OOSP3: variants seen among roughly 807,000 people sequenced by gnomAD.
OOSP3 encodes the protein oocyte-secreted protein 3.
At chr11:59,881,776 A>G (rs1322418946) in intron 2 of OOSP3, among the ~76,000 whole-genome samples, 1 of 152,110 alleles carries the variant, frequency 6.6e-6, no homozygotes. Context: ...AGGCTGAGAC[A>G]GGGAGAATTG....
intron 2 of OOSP3, among the ~76,000 whole-genome samples, chr11:59,890,897 T>G (rs1853305690): frequency 6.6e-6 from 1 of 152,066 alleles, no homozygotes; most frequent in South Asian, 2.1e-4. Context: ...CCATCTTCCC[T>G]GTCTCAGGTA....
chr11:59,882,561 A>G (rs1439676394), intron 2 of OOSP3, among the ~76,000 whole-genome samples: 1 of 152,168 alleles, frequency 6.6e-6, no homozygotes, highest in Non-Finnish European at 1.5e-5. Context: ...AAGATTTTCC[A>G]TTTAAAGGGC....
intron 2 of OOSP3, among the ~76,000 whole-genome samples, chr11:59,884,957 T>C (rs544494928): frequency 2.6e-5 from 4 of 152,228 alleles, no homozygotes; most frequent in East Asian, 1.9e-4. Context: ...TTTCTGATTA[T>C]AAGGGAAAAG....
exon 2 of OOSP3, chr11:59,880,417 C>A (rs1853188812): frequency 2.5e-6 from 1 of 398,562 alleles, no homozygotes; most frequent in East Asian, 3.6e-5. Flanking sequence ...TACCCTGCCA[C>A]TCAGTGTGGG....
intron 2 of OOSP3, among the ~76,000 whole-genome samples, chr11:59,891,215 G>A (rs1324419801): frequency 6.6e-6 from 1 of 152,152 alleles, no homozygotes; most frequent in Non-Finnish European, 1.5e-5. Context: ...CATTGGGTTA[G>A]AACATAATCT....
At chr11:59,884,122 GC>G (rs1307876049) in intron 2 of OOSP3, among the ~76,000 whole-genome samples, 1 of 152,130 alleles carries the variant, frequency 6.6e-6, no homozygotes, top group Non-Finnish European at 1.5e-5. Context: ...ATAACAGACA[GC>G]AATTTAATTC....
intron 2 of OOSP3, among the ~76,000 whole-genome samples, chr11:59,887,522 C>G (rs112167480): frequency 6.6e-6 from 1 of 152,188 alleles, no homozygotes; most frequent in African/African-American, 2.4e-5. Context: ...TATGACTAGC[C>G]AGTTCTCCCA....
chr11:59,895,775 C>G, intron 4 of OOSP3, 123 bp downstream of exon 4: 3 of 396,756 alleles, frequency 7.6e-6, no homozygotes, highest in Non-Finnish European at 1.3e-5. Context: ...TAGTGTTTAA[C>G]TACATGATGG....
rs115088515 is a variant in OOSP3, at chr11:59,890,468, C to T, written c.253-3611C>T. On this transcript the variant is annotated intron_variant, in intron 2 of 4. Transcript: ENST00000646438. ...CCTTCAGGAACTCTTGCAAGGAAGG[C>T]CTTCTGGTGATGAGATCCTTTAGCA... is the stretch of plus-strand genomic sequence containing the variant. Among the ~76,000 whole-genome samples the T allele has an allele frequency of 3.0e-3, 456 of 152,244 alleles. 4 individuals are homozygous for T. The highest frequency in any genetic ancestry group is 0.01 in the African/African-American group (436 of 41,558).
At chr11:59,890,874 T>G (rs1853305450) in intron 2 of OOSP3, among the ~76,000 whole-genome samples, 1 of 152,202 alleles carries the variant, frequency 6.6e-6, no homozygotes, top group African/African-American at 2.4e-5. Context: ...AAGTGTGTTT[T>G]CCAAACTTGG....
intron 2 of OOSP3, among the ~76,000 whole-genome samples, chr11:59,887,043 C>T (rs1212049538): frequency 3.3e-5 from 5 of 152,004 alleles, no homozygotes; most frequent in African/African-American, 1.2e-4. Context: ...GATTCGTGTG[C>T]CTTGGCCTCC....
chr11:59,885,323 CTT>C (rs757785892), intron 2 of OOSP3, among the ~76,000 whole-genome samples: 1 of 152,048 alleles, frequency 6.6e-6, no homozygotes. Flanking sequence ...GATTTCTTCT[CTT>C]TTTTCTTCAA....
intron 2 of OOSP3, among the ~76,000 whole-genome samples, chr11:59,885,532 C>G (rs1056102831): frequency 6.6e-6 from 1 of 152,164 alleles, no homozygotes; most frequent in Non-Finnish European, 1.5e-5. Flanking sequence ...CATGTGTTCT[C>G]ATCATTCAGC....
chr11:59,894,189 A>T lies in OOSP3; in HGVS notation c.350+13A>T. 5.0e-6 allele frequency: 2 copies of T among 398,542 alleles called. No individual in the cohort carries two copies. Among genetic ancestry groups the T allele is most frequent in the Non-Finnish European group, 8.8e-6 (2 of 226,034 alleles). 24.7% of individuals were successfully genotyped at this position (398,542 alleles called of 1,614,324 possible). ...GTATTGTATATGGGTGAGTATAATG[A>T]ACCAGATGGTTCACAGTTTACCCTC... On this transcript the variant is annotated intron_variant, in intron 3 of 4. Coordinates refer to ENST00000646438, the Ensembl canonical transcript of OOSP3.
At chr11:59,893,244 T>C (rs1853327941) in intron 2 of OOSP3, among the ~76,000 whole-genome samples, 2 of 152,210 alleles carry the variant, frequency 1.3e-5, no homozygotes, top group Admixed American at 1.3e-4. Context: ...GGTTGAAAAA[T>C]AGTAATTCAA....
intron 2 of OOSP3, among the ~76,000 whole-genome samples, chr11:59,888,555 C>A (rs779106759): frequency 3.3e-5 from 5 of 152,012 alleles, no homozygotes. Flanking sequence ...TTGAGATTAT[C>A]CTGTGGTTTT....
intron 2 of OOSP3, among the ~76,000 whole-genome samples, chr11:59,892,444 G>T (rs1234463034): frequency 1.3e-5 from 2 of 151,806 alleles, no homozygotes; most frequent in African/African-American, 4.8e-5. Context: ...GGGAGCTGCA[G>T]ACTGGAGCTG....
At chr11:59,895,842 T>C (rs753924285) in intron 4 of OOSP3, among the ~76,000 whole-genome samples, 190 bp downstream of exon 4, 6 of 152,360 alleles carry the variant, frequency 3.9e-5, no homozygotes, top group Admixed American at 2.6e-4. Flanking sequence ...TGTGTCTACA[T>C]ATATCCTGGT....
At chr11:59,888,978 C>T (rs1377900561) in intron 2 of OOSP3, among the ~76,000 whole-genome samples, 1 of 152,142 alleles carries the variant, frequency 6.6e-6, no homozygotes, top group African/African-American at 2.4e-5. Context: ...GCCTCAATTT[C>T]AGAACTTGTT....
Sources: gnomAD v4.1 joint callset for allele counts (sites outside exome capture counted in the v4.1 genomes callset) on GRCh38, gnomAD v4.1.1 for gene constraint, MANE v1.5 for transcripts, NCBI Gene and HGNC (gene_info 2026-07-23, HGNC 2026-07-21) for gene names.